The following KRTAP4-4 variants were observed in gnomAD, a reference collection of about 807,000 sequenced individuals.
KRTAP4-4 encodes the protein keratin associated protein 4-4.
For synonymous variants in KRTAP4-4, 88 were observed against 76.4 expected (o/e 1.15, Z -0.79); for missense variants, 186 against 206.9 (o/e 0.90, Z 0.62).
Position 41,159,862 on chromosome 17 carries a change from G to C in KRTAP4-4, c.*329C>G. 2.2e-6 allele frequency: 1 copy of C among 446,672 alleles called. No homozygotes were observed. The highest frequency in any genetic ancestry group is 3.0e-5 in the South Asian group (1 of 33,778). 27.7% of individuals were successfully genotyped at this position (446,672 alleles called of 1,614,324 possible). ...GGAGGCCAGATTCAATCTAAGAATT[G>C]GTTGGAACTGAAGTTTTCCAACTAG... is the stretch of plus-strand genomic sequence containing the variant. On this transcript the variant is annotated 3_prime_UTR_variant, in exon 1 of 1. Transcript: ENST00000390661.
In KRTAP4-4 at chr17:41,160,454, A is replaced by T. The variant is rs376038236; in HGVS notation, c.238T>A (p.Cys80Ser). The T allele has an allele frequency of 4.3e-6, 7 of 1,612,780 alleles. No homozygotes were observed. The highest frequency in any genetic ancestry group is 5.9e-6 in the Non-Finnish European group (7 of 1,179,624). The change falls in exon 1 of 1, where the codon TGC becomes AGC. Residue 80 changes from cysteine to serine, a missense_variant. Physicochemically the swap from Cys to Ser is moderately radical, Grantham distance 112. Transcript: ENST00000390661. Reference protein sequence around the residue: ...CCRPQCCQSVCCQPTCCRPQC... With the variant: ...CCRPQCCQSVSCQPTCCRPQC... ...GGTCTGCAGCAGGTGGGCTGGCAGC[A>T]CACAGACTGGCAGCACTGGGGTCTG...
chr17:41,160,627 C>T lies in KRTAP4-4; in HGVS notation c.65G>A (p.Arg22His), dbSNP rs375222953. 90 of 1,613,876 alleles carry T rather than the reference C, an allele frequency of 5.6e-5. No homozygotes were observed. The highest frequency in any genetic ancestry group is 1.6e-4 in the Middle Eastern group (1 of 6,084). ...GCAGGTGGTCTGGCAGTAGCTGGGACGGCAGCAGTTCTCTAGGCCACAGCC... is the reference window on the plus strand; with the variant it reads ...GCAGGTGGTCTGGCAGTAGCTGGGATGGCAGCAGTTCTCTAGGCCACAGCC... ...DQGCGLENCCRPSYCQTTCCR... is the reference protein window; with the variant it reads ...DQGCGLENCCHPSYCQTTCCR... Residue 22 changes from arginine (R) to histidine (H), a missense_variant, in exon 1 of 1, where the codon CGT becomes CAT. Arg to His is a conservative substitution (Grantham distance 29). Transcript: ENST00000390661.
rs770907086 is a variant in KRTAP4-4 at position 41,160,228 on chromosome 17, C to T, written c.464G>A (p.Cys155Tyr). The change falls in exon 1 of 1, where the codon TGC becomes TAC. Residue 155 changes from cysteine to tyrosine, a missense_variant. Cys to Tyr is a radical substitution (Grantham distance 194, BLOSUM62 -2). Transcript: ENST00000390661. The part of the protein sequence containing the change: ...CCRPSCCVSR[C>Y]YRPHCGQSLC... ...AGACTGGCCACAATGGGGCCTGTAGCACCTGGACACACAGCAGCTGGGGCG... is the reference window on the plus strand; with the variant it reads ...AGACTGGCCACAATGGGGCCTGTAGTACCTGGACACACAGCAGCTGGGGCG... 9.3e-6 allele frequency: 15 copies of T among 1,613,616 alleles called. No homozygotes were observed. Among genetic ancestry groups the T allele is most frequent in the Non-Finnish European group, 1.3e-5 (15 of 1,179,932 alleles).
Position 41,160,089 on chromosome 17 carries a change from A to T in KRTAP4-4, c.*102T>A. 1 of 1,518,142 alleles carries T rather than the reference A, an allele frequency of 6.6e-7. No individual in the cohort carries two copies. The highest frequency in any genetic ancestry group is 9.0e-7 in the Non-Finnish European group (1 of 1,114,210). The allele number at this position is 1,518,142 out of a possible 1,614,324, so 94.0% of individuals were successfully genotyped here. On this transcript the variant is annotated 3_prime_UTR_variant, in exon 1 of 1. Coordinates refer to ENST00000390661, the MANE Select transcript of KRTAP4-4 (RefSeq NM_032524.2). ...AGCTGAAGCCACAGCAGGAGGAGCT[A>T]CTGCTGCTAGAGATACTGCAGGAAG...
At position 41,160,264 on chromosome 17, in the gene KRTAP4-4, G is replaced by T. The variant is rs2014949382; in HGVS notation, c.428C>A (p.Thr143Asn). The part of the protein sequence containing the change: ...PQCCQTTCCR[T>N]TCCRPSCCVS... ...ACAGCAGCTGGGGCGGCAGCAGGTG[G>T]TTCTGCAGCAGGTGGTCTGGCAGCA... The change falls in exon 1 of 1, where the codon ACC becomes AAC. Residue 143 changes from threonine (T) to asparagine (N), a missense_variant. By Grantham distance (65) the Thr-to-Asn change is moderately conservative. Transcript: ENST00000390661. 1.9e-6 allele frequency: 3 copies of T among 1,613,520 alleles called. No homozygotes were observed. The highest frequency in any genetic ancestry group is 2.5e-6 in the Non-Finnish European group (3 of 1,179,924).
Position 41,159,983 on chromosome 17 carries a change from T to C in KRTAP4-4, c.*208A>G, listed in dbSNP as rs2143982161. 2 of 775,404 alleles carry C rather than the reference T, an allele frequency of 2.6e-6. No individual in the cohort carries two copies. Among genetic ancestry groups the C allele is most frequent in the East Asian group, 5.2e-5 (2 of 38,504 alleles). 48.0% of individuals were successfully genotyped at this position (775,404 alleles called of 1,614,324 possible). A position where few individuals can be genotyped will look rare whatever the true frequency, so the allele number is the denominator to read the frequency against. Reference sequence around the variant, plus strand: ...TGACAGCCTCAGCAGCAAGAAGCACTAGAGCAGGTTGGGCGGCAGCACATG... The same window carrying C: ...TGACAGCCTCAGCAGCAAGAAGCACCAGAGCAGGTTGGGCGGCAGCACATG... On this transcript the variant is annotated 3_prime_UTR_variant, in exon 1 of 1. Transcript: ENST00000390661.
Position 41,160,533 on chromosome 17 carries a change from G to T in KRTAP4-4, c.159C>A (p.Thr53=). The change falls in exon 1 of 1, where the codon ACC becomes ACA. Residue 53 remains threonine, a synonymous_variant. Coordinates refer to ENST00000390661, the MANE Select transcript of KRTAP4-4 (RefSeq NM_032524.2). The part of the protein sequence containing the change: ...SSCCRPQCCQ[T]TCCRTTCCHP... ...GGCAGCAGGTGGTCCTGCAGCAGGT[G>T]GTCTGGCAGCACTGGGGTCTGCAGC... 1.2e-6 allele frequency: 2 copies of T among 1,608,142 alleles called. No homozygotes were observed. The highest frequency in any genetic ancestry group is 1.7e-6 in the Non-Finnish European group (2 of 1,177,872).
Position 41,160,684 on chromosome 17 carries a change from T to C in KRTAP4-4, c.8A>G (p.Asn3Ser), listed in dbSNP as rs369803651. 7.6e-5 allele frequency: 122 copies of C among 1,608,304 alleles called. No homozygotes were observed. The highest frequency in any genetic ancestry group is 9.4e-5 in the African/African-American group (7 of 74,720). ...AGAGCACACAGAGCCACAACAGGAG[T>C]TGACCATGGTGTCAGAGGGTGGAGG... MV[N>S]SCCGSVCSDQ... Residue 3 changes from asparagine to serine, a missense_variant, in exon 1 of 1, where the codon AAC becomes AGC. Transcript: ENST00000390661.
chr17:41,160,470 C>T lies in KRTAP4-4; in HGVS notation c.222G>A (p.Gln74=), dbSNP rs2014955169. The T allele has an allele frequency of 6.2e-7, 1 of 1,603,594 alleles. No homozygotes were observed. The highest frequency in any genetic ancestry group is 8.5e-7 in the Non-Finnish European group (1 of 1,177,436). The change falls in exon 1 of 1, where the codon CAG becomes CAA. Residue 74 remains glutamine, a synonymous_variant. Transcript: ENST00000390661. The part of the protein sequence containing the change: ...SCCVSSCCRP[Q]CCQSVCCQPT... ...GCTGGCAGCACACAGACTGGCAGCA[C>T]TGGGGTCTGCAGCAGCTGGACACAC...
chr17:41,160,352 C>G lies in KRTAP4-4; in HGVS notation c.340G>C (p.Val114Leu). ...CAGCAGCAGGTGGGCTGGCAGCACACAGACTGGCAGCACTGGGGCCTGCAG... is the reference window on the plus strand; with the variant it reads ...CAGCAGCAGGTGGGCTGGCAGCACAGAGACTGGCAGCACTGGGGCCTGCAG... The part of the protein sequence containing the change: ...SCCRPQCCQS[V>L]CCQPTCCCPS... The change falls in exon 1 of 1, where the codon GTG (valine) becomes CTG (leucine). Residue 114 changes from valine (V) to leucine (L), a missense_variant. Coordinates refer to ENST00000390661, the MANE Select transcript of KRTAP4-4 (RefSeq NM_032524.2). 6.3e-7 allele frequency: 1 copy of G among 1,584,970 alleles called. No homozygotes were observed.
chr17:41,160,017 G>T lies in KRTAP4-4; in HGVS notation c.*174C>A. On this transcript the variant is annotated 3_prime_UTR_variant, in exon 1 of 1. Coordinates refer to ENST00000390661, the MANE Select transcript of KRTAP4-4 (RefSeq NM_032524.2). ...TTGGGCGGCAGCACATGGTCTGGCA[G>T]CAGTTGGGGCGGCAGCAACTGGAGA... 9.1e-7 allele frequency: 1 copy of T among 1,095,016 alleles called. No homozygotes were observed. Among genetic ancestry groups the T allele is most frequent in the Non-Finnish European group, 1.3e-6 (1 of 752,990 alleles). 67.8% of individuals were successfully genotyped at this position (1,095,016 alleles called of 1,614,324 possible).
chr17:41,160,623 G>A lies in KRTAP4-4; in HGVS notation c.69C>T (p.Pro23=). ...TGCAGCAGGTGGTCTGGCAGTAGCT[G>A]GGACGGCAGCAGTTCTCTAGGCCAC... ...QGCGLENCCR[P]SYCQTTCCRT... The change falls in exon 1 of 1, where the codon CCC becomes CCT. Residue 23 remains proline, a synonymous_variant. Coordinates refer to ENST00000390661, the MANE Select transcript of KRTAP4-4 (RefSeq NM_032524.2). The A allele has an allele frequency of 2.5e-6, 4 of 1,614,104 alleles. No individual in the cohort carries two copies. The highest frequency in any genetic ancestry group is 3.4e-6 in the Non-Finnish European group (4 of 1,180,018).
Position 41,160,312 on chromosome 17 carries a change from A to C in KRTAP4-4, c.380T>G (p.Val127Gly), listed in dbSNP as rs757218797. 5.0e-6 allele frequency: 8 copies of C among 1,608,638 alleles called. No homozygotes were observed. Among genetic ancestry groups the C allele is most frequent in the Non-Finnish European group, 6.8e-6 (8 of 1,178,526 alleles). Residue 127 changes from valine to glycine, a missense_variant, in exon 1 of 1, where the codon GTG becomes GGG. Val to Gly is a moderately radical substitution (Grantham distance 109). Coordinates refer to ENST00000390661, the MANE Select transcript of KRTAP4-4 (RefSeq NM_032524.2). ...QPTCCCPSYC[V>G]SSCCRPQCCQ... ...GCACTGGGGTCTGCAGCAGCTGGAC[A>C]CACAGTAGCTGGGGCAGCAGCAGGT...
At position 41,160,583 on chromosome 17, in the gene KRTAP4-4, G is replaced by T; in HGVS notation, c.109C>A (p.Arg37Ser). 3.1e-6 allele frequency: 5 copies of T among 1,613,120 alleles called. No homozygotes were observed. The highest frequency in any genetic ancestry group is 4.2e-6 in the Non-Finnish European group (5 of 1,179,794). The change falls in exon 1 of 1, where the codon CGC (arginine) becomes AGC (serine). Residue 37 changes from arginine to serine, a missense_variant. Physicochemically the swap from Arg to Ser is moderately radical, Grantham distance 110. Coordinates refer to ENST00000390661, the MANE Select transcript of KRTAP4-4 (RefSeq NM_032524.2). ...CAGCTGGACACACAGCAGCTGGGGC[G>T]GCAGCAGGTGGTCCTGCAGCAGGTG... ...QTTCCRTTCCRPSCCVSSCCR... is the reference protein window; with the variant it reads ...QTTCCRTTCCSPSCCVSSCCR...
Position 41,160,159 on chromosome 17 carries a change from G to A in KRTAP4-4, c.*32C>T. 6.2e-7 allele frequency: 1 copy of A among 1,608,444 alleles called. No individual in the cohort carries two copies. Among genetic ancestry groups the A allele is most frequent in the East Asian group, 2.2e-5 (1 of 44,834 alleles). On this transcript the variant is annotated 3_prime_UTR_variant, in exon 1 of 1. Transcript: ENST00000390661. The stretch of plus-strand genomic sequence containing the variant: ...GCAATAGCTGGGGTGGCAGCAGGTG[G>A]TCCTGTAGCAGGTGGTTTGCCAGCA...
chr17:41,160,581 G>T lies in KRTAP4-4; in HGVS notation c.111C>A (p.Arg37=), dbSNP rs759413104. The change falls in exon 1 of 1, where the codon CGC becomes CGA. Residue 37 remains arginine, a synonymous_variant. Transcript: ENST00000390661. ...QTTCCRTTCC[R]PSCCVSSCCR... Reference sequence around the variant, plus strand: ...AGCAGCTGGACACACAGCAGCTGGGGCGGCAGCAGGTGGTCCTGCAGCAGG... The same window carrying T: ...AGCAGCTGGACACACAGCAGCTGGGTCGGCAGCAGGTGGTCCTGCAGCAGG... The T allele has an allele frequency of 6.2e-7, 1 of 1,612,950 alleles. No homozygotes were observed. Among genetic ancestry groups the T allele is most frequent in the African/African-American group, 1.3e-5 (1 of 74,316 alleles).
chr17:41,160,391 A>C lies in KRTAP4-4; in HGVS notation c.301T>G (p.Cys101Gly), dbSNP rs1433920387. Residue 101 changes from cysteine (C) to glycine (G), a missense_variant, in exon 1 of 1, where the codon TGC (cysteine) becomes GGC (glycine). By Grantham distance (159) the Cys-to-Gly change is radical. Transcript: ENST00000390661. ...CQTTCCRTTC[C>G]RPSCCRPQCC... ...TGGGGCCTGCAGCAGCTGGGGCGGC[A>C]GCAGGTGGTCCTACAGCAGGTAGTC... The C allele has an allele frequency of 1.9e-6, 3 of 1,611,486 alleles. No individual in the cohort carries two copies. The highest frequency in any genetic ancestry group is 2.5e-6 in the Non-Finnish European group (3 of 1,179,166).
In KRTAP4-4 at chr17:41,160,032, G is replaced by T; in HGVS notation, c.*159C>A. On this transcript the variant is annotated 3_prime_UTR_variant, in exon 1 of 1. Coordinates refer to ENST00000390661, the MANE Select transcript of KRTAP4-4 (RefSeq NM_032524.2). ...TGGTCTGGCAGCAGTTGGGGCGGCA[G>T]CAACTGGAGATGCAGCAGGAGAGCC... 8.2e-7 allele frequency: 1 copy of T among 1,226,810 alleles called. No individual in the cohort carries two copies. The highest frequency in any genetic ancestry group is 1.1e-6 in the Non-Finnish European group (1 of 870,170). The allele number at this position is 1,226,810 out of a possible 1,614,324, so 76.0% of individuals were successfully genotyped here.
Position 41,160,694 on chromosome 17 carries a change from T to G in KRTAP4-4, c.-3A>C. ...GAGCCACAACAGGAGTTGACCATGG[T>G]GTCAGAGGGTGGAGGTTCTGGGTGG... On this transcript the variant is annotated 5_prime_UTR_variant, in exon 1 of 1. Coordinates refer to ENST00000390661, the MANE Select transcript of KRTAP4-4 (RefSeq NM_032524.2). 2 of 1,603,934 alleles carry G rather than the reference T, an allele frequency of 1.2e-6. No individual in the cohort carries two copies. Among genetic ancestry groups the G allele is most frequent in the Non-Finnish European group, 1.7e-6 (2 of 1,173,514 alleles).
Sources: allele counts gnomAD v4.1 joint callset, GRCh38; gene constraint gnomAD v4.1.1; transcripts MANE v1.5; gene names NCBI Gene and HGNC (gene_info 2026-07-23, HGNC 2026-07-21).